Variants in VWF observed in about 807,000 individuals in gnomAD.
VWF encodes the protein von Willebrand factor, also known as Factor VIII related antigen.
VWF carries 176 observed loss-of-function variants against 308.6 expected under a neutral mutation model. The observed-to-expected ratio is 0.57, with a 90% confidence interval of 0.50 to 0.65. The LOEUF (loss-of-function observed/expected upper bound fraction) is 0.65, where lower values mean the gene tolerates loss of function less well. VWF is among the 30% of genes least tolerant of loss of function. VWF has a pLI of 0.00. For missense variants in VWF, 3,146 were observed against 3,648.2 expected, an observed-to-expected ratio of 0.86 and a Z score of 3.55; for synonymous variants, 1,385 against 1,443.4, an observed-to-expected ratio of 0.96 and a Z score of 0.92.
In VWF at chr12:6,052,566, G is replaced by A. The variant is rs1944527909; in HGVS notation, c.2163C>T (p.Ile721=). The A allele has an allele frequency of 6.2e-7, 1 of 1,614,138 alleles. No homozygotes were observed. The highest frequency in any genetic ancestry group is 8.5e-7 in the Non-Finnish European group (1 of 1,180,058). Residue 721 remains isoleucine, a synonymous_variant, in exon 16 of 52, where the codon ATC becomes ATT. Coordinates refer to ENST00000261405, the MANE Select transcript of VWF (RefSeq NM_000552.5). ...YDGEIFQPED[I]FSDHHTMCYC... is the part of the protein sequence containing the mutation. Reference sequence around the variant, plus strand: ...ACCACATGGTGTGATGGTCTGAGAAGATGTCTTCTGGCTGGAAGATCTCAC... The same window carrying A: ...ACCACATGGTGTGATGGTCTGAGAAAATGTCTTCTGGCTGGAAGATCTCAC...
Position 6,088,120 on chromosome 12 carries a change from A to G in VWF, c.657+7340T>C, listed in dbSNP as rs182516767. ...TTGTAGAGGTATATACATGTACATTATATGTTCAGTTATTATGTTTATCTT... is the reference window on the plus strand; with the variant it reads ...TTGTAGAGGTATATACATGTACATTGTATGTTCAGTTATTATGTTTATCTT... On this transcript the variant is annotated intron_variant, in intron 6 of 51. Transcript: ENST00000261405. 1.4e-3 allele frequency among the ~76,000 whole-genome samples: 211 copies of G among 152,268 alleles called. 1 individual carries two copies. The highest frequency in any genetic ancestry group is 3.4e-3 in the Middle Eastern group (1 of 294).
rs1306240879 is a variant in VWF, at chr12:5,971,721, G to GA, written c.7438-13dup. ...ACGTAAGTGAAGCCCTGGAAAAGCA[G>GA]AAAAAACAGAGTAAGGACAGGCCAG... On this transcript the variant is annotated splice_polypyrimidine_tract_variant and intron_variant, in intron 43 of 51. Transcript: ENST00000261405. 14 of 1,612,446 alleles carry GA rather than the reference G, an allele frequency of 8.7e-6. No homozygotes were observed. Among genetic ancestry groups the GA allele is most frequent in the Middle Eastern group, 1.6e-4 (1 of 6,062 alleles).
chr12:6,092,032 CCAGA>C (rs1224679742), intron 6 of VWF, among the ~76,000 whole-genome samples: 2 of 152,172 alleles, frequency 1.3e-5, no homozygotes, highest in Non-Finnish European at 2.9e-5. Flanking sequence ...TGGCCCATGC[CCAGA>C]CAAAGGCAAC....
At chr12:6,078,140 CAGA>C (rs1445856903) in intron 6 of VWF, among the ~76,000 whole-genome samples, 6 of 152,198 alleles carry the variant, frequency 3.9e-5, no homozygotes, top group Non-Finnish European at 7.3e-5. Flanking sequence ...CCCAGCAGGA[CAGA>C]AGGACACCTT....
At chr12:6,014,426 T>C (rs1425002562) in intron 31 of VWF, among the ~76,000 whole-genome samples, 2 of 152,148 alleles carry the variant, frequency 1.3e-5, no homozygotes, top group African/African-American at 4.8e-5. Flanking sequence ...GCTATTTCAA[T>C]AGTCCAGGTG....
At chr12:6,062,470 G>A (rs1944665040) in intron 13 of VWF, among the ~76,000 whole-genome samples, 1 of 151,228 alleles carries the variant, frequency 6.6e-6, no homozygotes, top group South Asian at 2.1e-4. Context: ...GTGATTCCAG[G>A]ACCACCAAGA....
intron 18 of VWF, among the ~76,000 whole-genome samples, chr12:6,043,295 A>C (rs992074283): frequency 3.3e-5 from 5 of 152,214 alleles, no homozygotes; most frequent in African/African-American, 1.2e-4. Flanking sequence ...CCTGAGAGAC[A>C]CTGGTAATTG....
In VWF at chr12:5,952,543, A is replaced by G. The variant is rs754023906; in HGVS notation, c.7987-24T>C. Reference sequence around the variant, plus strand: ...CGCTGGAAGGAAAGAGGAGTGGGTAAAGTCAGAGACAGTGTTTGGTTCACA... The same window carrying G: ...CGCTGGAAGGAAAGAGGAGTGGGTAGAGTCAGAGACAGTGTTTGGTTCACA... On this transcript the variant is annotated intron_variant, in intron 48 of 51. Coordinates refer to ENST00000261405, the MANE Select transcript of VWF (RefSeq NM_000552.5). The G allele has an allele frequency of 1.4e-5, 22 of 1,611,550 alleles. No individual in the cohort carries two copies. In the Admixed American group the frequency reaches 3.5e-4, roughly 26 times the overall value.
intron 6 of VWF, among the ~76,000 whole-genome samples, chr12:6,092,937 C>T (rs1031034784): frequency 1.3e-5 from 2 of 151,964 alleles, no homozygotes; most frequent in Admixed American, 6.5e-5. Flanking sequence ...TAAATATGTA[C>T]ACTGAGCCAA....
chr12:6,083,182 C>T (rs1944933112), intron 6 of VWF, among the ~76,000 whole-genome samples: 1 of 151,620 alleles, frequency 6.6e-6, no homozygotes, highest in Non-Finnish European at 1.5e-5. Flanking sequence ...GTAATCCCAG[C>T]ACTCTTGTAT....
At chr12:5,992,347 C>T (rs1943754545) in intron 37 of VWF, among the ~76,000 whole-genome samples, 1 of 152,210 alleles carries the variant, frequency 6.6e-6, no homozygotes. Flanking sequence ...TGCTCCTTGT[C>T]CCTCTTCCCT....
intron 11 of VWF, 76 bp from the exon 12 acceptor site, chr12:6,064,460 C>G (rs1278000134): frequency 1.3e-6 from 2 of 1,590,430 alleles, no homozygotes; most frequent in South Asian, 1.1e-5. Context: ...CCCTCTTAAT[C>G]AGAGAAAGGC....
chr12:5,949,686 G>C, intron 51 of VWF, 100 bp downstream of exon 51: 1 of 1,250,288 alleles, frequency 8.0e-7, no homozygotes. Context: ...TCTCTTCCCT[G>C]CGAATTTTCC....
intron 6 of VWF, among the ~76,000 whole-genome samples, chr12:6,087,428 G>T (rs980958622): frequency 7.0e-6 from 1 of 142,564 alleles, no homozygotes; most frequent in African/African-American, 2.6e-5. Flanking sequence ...GTGCGATCTC[G>T]GCTCACTGCA....
At chr12:6,042,899 T>A (rs1944410265) in intron 18 of VWF, among the ~76,000 whole-genome samples, 1 of 152,192 alleles carries the variant, frequency 6.6e-6, no homozygotes, top group Non-Finnish European at 1.5e-5. Flanking sequence ...CTGAGTATGA[T>A]GAAGAGACAA....
rs7135258 is a variant in VWF at position 6,046,362 on chromosome 12, G to T, written c.2281+361C>A. On this transcript the variant is annotated intron_variant, in intron 17 of 51. Transcript: ENST00000261405. The surrounding 1 kb of genome is among the most constrained non-coding windows in gnomAD (Gnocchi z 5.0). ...TCATCAGCATGTCCATAGGAAACAA[G>T]AGGCCATCAAAGAAGGGTGACTGTC... 0.026 allele frequency among the ~76,000 whole-genome samples: 3,902 copies of T among 152,288 alleles called. 159 individuals carry two copies. The highest frequency in any genetic ancestry group is 0.089 in the African/African-American group (3,714 of 41,546).
intron 51 of VWF, 129 bp downstream of exon 51, chr12:5,949,657 G>A: frequency 1.0e-6 from 1 of 980,720 alleles, no homozygotes; most frequent in Admixed American, 2.2e-5. Context: ...AAAAAAAAAT[G>A]CTTCCAGTTT....
rs776321440 is a variant in VWF at position 6,044,441 on chromosome 12, G to T, written c.2292C>A (p.Ser764Arg). The T allele has an allele frequency of 6.2e-7, 1 of 1,614,150 alleles. No homozygotes were observed. Among genetic ancestry groups the T allele is most frequent in the Non-Finnish European group, 8.5e-7 (1 of 1,180,024 alleles). The change falls in exon 18 of 52, where the codon AGC (serine) becomes AGA (arginine). Residue 764 changes from serine (S) to arginine (R), a missense_variant. Ser to Arg is a moderately radical substitution (Grantham distance 110). Around this residue, in one of 3 missense-constraint regions of VWF, gnomAD observed 1,304 missense variants for 1,353.0 expected, o/e 0.96. Transcript: ENST00000261405. ...TGACCATGGGGGGCCGACAGGATAG[G>T]CTCCTTTTGCCTCGAAGGTAGGAAA... ...SSPLSHRSKR[S>R]LSCRPPMVKL...
intron 6 of VWF, among the ~76,000 whole-genome samples, chr12:6,090,257 G>A (rs1438984083): frequency 2.0e-5 from 3 of 151,946 alleles, no homozygotes; most frequent in Non-Finnish European, 2.9e-5. Context: ...GTGCCCGGCC[G>A]AAAATCTGTC....
Sources: allele counts gnomAD v4.1 joint callset (sites outside exome capture counted in the v4.1 genomes callset), GRCh38; gene constraint gnomAD v4.1.1; regional missense constraint gnomAD v4.1.1; non-coding constraint Gnocchi (gnomAD v3.1); transcripts MANE v1.5; gene names NCBI Gene and HGNC (gene_info 2026-07-23, HGNC 2026-07-21).